The following CELF2 variants were observed in gnomAD, a reference collection of about 807,000 sequenced individuals.
CELF2 encodes CUGBP Elav-like family member 2.
CELF2 carries 8 observed loss-of-function variants against 62.6 expected under a neutral mutation model. That is an observed-to-expected ratio of 0.13 (90% confidence interval 0.07 to 0.23). The LOEUF (loss-of-function observed/expected upper bound fraction) is 0.23, where lower values mean the gene tolerates loss of function less well. CELF2 is among the 10% of genes least tolerant of loss of function. CELF2 has a pLI of 1.00. For synonymous variants in CELF2, 258 were observed against 250.0 expected, an observed-to-expected ratio of 1.03 and a Z score of -0.30; for missense variants, 333 against 671.0, an observed-to-expected ratio of 0.50 and a Z score of 5.56.
At chr10:10,640,302 A>G in the CELF2 span, among the ~76,000 whole-genome samples, 3 of 152,216 alleles carry the variant, frequency 2.0e-5, no homozygotes, top group Non-Finnish European at 2.9e-5. Flanking sequence ...TGCTGTGAAA[A>G]CATTATTCTC....
At chr10:10,823,095 A>G (rs990638398) in intron 1 of CELF2, among the ~76,000 whole-genome samples, 1 of 152,228 alleles carries the variant, frequency 6.6e-6, no homozygotes, top group Non-Finnish European at 1.5e-5. Flanking sequence ...TTAAAATGGC[A>G]TATGTAATTT....
At chr10:11,007,547 G>C (rs182095008) in intron 1 of CELF2, among the ~76,000 whole-genome samples, 1 of 152,324 alleles carries the variant, frequency 6.6e-6, no homozygotes, top group Non-Finnish European at 1.5e-5. Context: ...GTTGTGAATA[G>C]AGTGAATTTT....
the CELF2 span, among the ~76,000 whole-genome samples, chr10:10,485,815 C>T: frequency 1.3e-5 from 2 of 152,110 alleles, no homozygotes; most frequent in Admixed American, 1.3e-4. Flanking sequence ...CAAAACAGAG[C>T]CCTACAACAT....
the CELF2 span, among the ~76,000 whole-genome samples, chr10:10,764,309 C>G: frequency 6.6e-6 from 1 of 152,204 alleles, no homozygotes; most frequent in Admixed American, 6.5e-5. Flanking sequence ...AAAAAACATA[C>G]TTTCTGCAAA....
In CELF2 at chr10:11,314,491, T is replaced by C; in HGVS notation, c.1096+233T>C. ...TCTCTTCAGTGTGTAGCACAGCGCG[T>C]GTGCTCATCCATGGGGTTCTGTGGC... On this transcript the variant is annotated intron_variant, in intron 10 of 12. Transcript: ENST00000633077. This position sits in a 1 kb window ranked among gnomAD's most constrained non-coding sequence, Gnocchi z 5.3. 1 of 584,438 alleles carries C rather than the reference T, an allele frequency of 1.7e-6. No homozygotes were observed. The highest frequency in any genetic ancestry group is 3.1e-6 in the Non-Finnish European group (1 of 319,562). 36.2% of individuals were successfully genotyped at this position (584,438 alleles called of 1,614,324 possible). A position where few individuals can be genotyped will look rare whatever the true frequency, so the allele number is the denominator to read the frequency against.
In CELF2 at chr10:11,191,447, C is replaced by G. The variant is rs193170972; in HGVS notation, c.271+25765C>G. Among the ~76,000 whole-genome samples, 2 of 152,256 alleles carry G rather than the reference C, an allele frequency of 1.3e-5. No individual in the cohort carries two copies. The highest frequency in any genetic ancestry group is 2.1e-4 in the South Asian group (1 of 4,822). ...AACGGAGAGGTGTCTCCTGGTGTTG[C>G]AGTGGGGAGGAGACCTCTGGACCAG... On this transcript the variant is annotated intron_variant, in intron 2 of 12. Coordinates refer to ENST00000633077, the MANE Select transcript of CELF2 (RefSeq NM_001326342.2). The surrounding 1 kb of genome is among the most constrained non-coding windows in gnomAD (Gnocchi z 4.1).
chr10:10,872,412 G>A (rs1044383210), intron 1 of CELF2, among the ~76,000 whole-genome samples: 1 of 152,184 alleles, frequency 6.6e-6, no homozygotes, highest in South Asian at 2.1e-4. Context: ...TCAAAGAAAC[G>A]ATGTTCTACT....
chr10:10,546,165 A>G, the CELF2 span, among the ~76,000 whole-genome samples: 1 of 152,222 alleles, frequency 6.6e-6, no homozygotes, highest in South Asian at 2.1e-4. Context: ...CTGAGGTTAC[A>G]TATCCCTCAG....
intron 11 of CELF2, among the ~76,000 whole-genome samples, chr10:11,323,912 A>G (rs73583253): frequency 0.03 from 4,356 of 142,876 alleles, 202 homozygotes; most frequent in African/African-American, 0.11. Flanking sequence ...GAGGTTTTCC[A>G]TATGAAATCT....
At chr10:10,548,807 T>C in the CELF2 span, among the ~76,000 whole-genome samples, 1 of 152,210 alleles carries the variant, frequency 6.6e-6, no homozygotes, top group East Asian at 1.9e-4. Context: ...GAGAAGAATA[T>C]GCTATATTTA....
At chr10:10,607,041 C>T in the CELF2 span, among the ~76,000 whole-genome samples, 18 of 152,284 alleles carry the variant, frequency 1.2e-4, no homozygotes, top group African/African-American at 4.3e-4. Context: ...GACCTTTAAA[C>T]ATCATCGTGG....
At chr10:10,498,956 T>C in the CELF2 span, among the ~76,000 whole-genome samples, 2 of 152,114 alleles carry the variant, frequency 1.3e-5, no homozygotes, top group Non-Finnish European at 2.9e-5. Context: ...ATTCTCCTTC[T>C]CTAAAATCCA....
chr10:11,281,660 G>C (rs1400679794), intron 8 of CELF2, among the ~76,000 whole-genome samples: 2 of 152,194 alleles, frequency 1.3e-5, no homozygotes, highest in East Asian at 3.8e-4. Flanking sequence ...GGCTGAGGTA[G>C]GAGGATCGCT....
chr10:11,204,674 C>T (rs1004197478), intron 2 of CELF2, among the ~76,000 whole-genome samples: 1 of 152,200 alleles, frequency 6.6e-6, no homozygotes, highest in African/African-American at 2.4e-5. Flanking sequence ...GCGCTTGATC[C>T]CCGTGTGACA....
At chr10:11,045,881 C>T (rs954126873) in intron 1 of CELF2, among the ~76,000 whole-genome samples, 1 of 152,162 alleles carries the variant, frequency 6.6e-6, no homozygotes, top group Non-Finnish European at 1.5e-5. Context: ...CTTAATCTGG[C>T]CAGGACACTC....
the CELF2 span, among the ~76,000 whole-genome samples, chr10:10,545,453 C>T: frequency 2.0e-5 from 3 of 152,158 alleles, no homozygotes; most frequent in South Asian, 2.1e-4. Context: ...AATGACACCA[C>T]GTACATTTCT....
the CELF2 span, among the ~76,000 whole-genome samples, chr10:10,498,189 G>A: frequency 2.0e-5 from 3 of 152,200 alleles, no homozygotes; most frequent in Non-Finnish European, 2.9e-5. Flanking sequence ...GGAGGAAAGA[G>A]GCGGAAGGCG....
chr10:11,173,632 C>T (rs2069792863), intron 2 of CELF2, among the ~76,000 whole-genome samples: 2 of 152,130 alleles, frequency 1.3e-5, no homozygotes, highest in African/African-American at 4.8e-5. Context: ...ACTGAATTTT[C>T]ATCCTTGGAC....
the CELF2 span, among the ~76,000 whole-genome samples, chr10:10,597,504 G>A: frequency 6.6e-6 from 1 of 151,980 alleles, no homozygotes; most frequent in Non-Finnish European, 1.5e-5. Flanking sequence ...TCATTTCTAG[G>A]CAAGCACAAA....
Sources: allele counts gnomAD v4.1 joint callset (sites outside exome capture counted in the v4.1 genomes callset), GRCh38; gene constraint gnomAD v4.1.1; non-coding constraint Gnocchi (gnomAD v3.1); transcripts MANE v1.5; gene names NCBI Gene and HGNC (gene_info 2026-07-23, HGNC 2026-07-21).